CNTN4: variants seen among roughly 807,000 people sequenced by gnomAD.
The protein encoded by CNTN4 is contactin-4.
Under a neutral mutation model 122.5 loss-of-function variants are expected in CNTN4, and 77 were observed. The observed-to-expected ratio is 0.63, with a 90% CI of 0.52 to 0.76. The LOEUF is 0.76. Among genes scored for constraint, CNTN4 ranks in the 30% least tolerant of loss-of-function variants. The pLI, the probability that CNTN4 is intolerant of heterozygous loss-of-function variation, is 0.00. For missense variants in CNTN4, 1,256 were observed against 1,259.1 expected, an observed-to-expected ratio of 1.00 and a Z score of 0.04; for synonymous variants, 512 against 447.0, an observed-to-expected ratio of 1.15 and a Z score of -1.83.
chr3:2,529,153 T>C (rs910458972), intron 3 of CNTN4, among the ~76,000 whole-genome samples: 1 of 152,102 alleles, frequency 6.6e-6, no homozygotes, highest in African/African-American at 2.4e-5. Context: ...ACTCTCTACT[T>C]CTAGGAGATC....
chr3:2,934,320 C>T (rs2094549530), intron 13 of CNTN4, among the ~76,000 whole-genome samples: 1 of 152,226 alleles, frequency 6.6e-6, no homozygotes, highest in South Asian at 2.1e-4. Flanking sequence ...GAAATTCATG[C>T]TCATGTGTCT....
intron 13 of CNTN4, among the ~76,000 whole-genome samples, chr3:2,969,516 G>GATTATTATTATTATTATTATTATTATT (rs57712177): frequency 1.1e-4 from 13 of 121,464 alleles, no homozygotes; most frequent in East Asian, 8.1e-4. Flanking sequence ...GGAAAATTGG[G>GATTATTATTATTATTATTATTATTATT]ATTATTATTA....
intron 2 of CNTN4, among the ~76,000 whole-genome samples, chr3:2,217,369 T>A (rs1374153664): frequency 2.0e-5 from 3 of 152,214 alleles, no homozygotes; most frequent in African/African-American, 7.2e-5. Flanking sequence ...GAGTTAATCT[T>A]GTTCCTCTAT....
intron 3 of CNTN4, among the ~76,000 whole-genome samples, chr3:2,360,481 A>C (rs948574622): frequency 2.0e-5 from 3 of 152,168 alleles, no homozygotes; most frequent in African/African-American, 7.2e-5. Context: ...TATGAACACA[A>C]TATTGCATAA....
Position 2,718,852 on chromosome 3 carries a change from A to G in CNTN4, c.56-17363A>G, listed in dbSNP as rs142966174. The stretch of plus-strand genomic sequence containing the variant: ...TTGTTTTTAAAGTAAATGTAGACAT[A>G]TGCACATTCATATGCAAAATGATGG... On this transcript the variant is annotated intron_variant, in intron 4 of 24. Transcript: ENST00000418658. Among the ~76,000 whole-genome samples the G allele has an allele frequency of 4.0e-3, 607 of 152,292 alleles. 4 individuals carry two copies. The highest frequency in any genetic ancestry group is 0.014 in the African/African-American group (577 of 41,558).
At chr3:2,902,045 G>A (rs1015943297) in intron 11 of CNTN4, among the ~76,000 whole-genome samples, 1 of 152,022 alleles carries the variant, frequency 6.6e-6, no homozygotes, top group Non-Finnish European at 1.5e-5. Context: ...GGGACACTTG[G>A]GCTTGTTTCT....
Position 2,169,448 on chromosome 3 carries a change from T to C in CNTN4, c.-145+68809T>C, listed in dbSNP as rs567842160. ...TTGAGACGGAGTCTGGCTCTGTCAC[T>C]CAGGCTGGAGTGCGGTGGCGCGATC... is the stretch of plus-strand genomic sequence containing the variant. On this transcript the variant is annotated intron_variant, in intron 2 of 24. Coordinates refer to ENST00000418658, the MANE Select transcript of CNTN4 (RefSeq NM_175607.3). Among the ~76,000 whole-genome samples the C allele has an allele frequency of 4.1e-3, 622 of 151,948 alleles. 2 individuals are homozygous for C. The highest frequency in any genetic ancestry group is 0.014 in the Middle Eastern group (4 of 294).
chr3:2,904,291 T>A (rs1244879548), intron 12 of CNTN4, among the ~76,000 whole-genome samples: 1 of 152,208 alleles, frequency 6.6e-6, no homozygotes, highest in East Asian at 1.9e-4. Flanking sequence ...GTCCTGACTT[T>A]CCCTTATGAA....
chr3:2,676,177 C>A lies in CNTN4; in HGVS notation c.56-60038C>A, dbSNP rs534113770. 1.4e-4 allele frequency among the ~76,000 whole-genome samples: 22 copies of A among 152,086 alleles called. 1 individual carries two copies. In the South Asian group the frequency reaches 4.4e-3, roughly 30 times the overall value. On this transcript the variant is annotated intron_variant, in intron 4 of 24. Transcript: ENST00000418658. ...TTACTTATGTTTAGATCCTGAACAC[C>A]AAACATCCAGTGAATACAGCTGAAG...
chr3:2,230,020 C>G (rs569925125), intron 2 of CNTN4, among the ~76,000 whole-genome samples: 2 of 152,324 alleles, frequency 1.3e-5, no homozygotes, highest in African/African-American at 4.8e-5. Flanking sequence ...AGTTTCTCTA[C>G]TCTGAATGCT....
chr3:2,336,575 T>A (rs1260871565), intron 2 of CNTN4, among the ~76,000 whole-genome samples: 1 of 152,178 alleles, frequency 6.6e-6, no homozygotes, highest in Admixed American at 6.5e-5. Flanking sequence ...TATGATTTCT[T>A]AACTAGTAAC....
chr3:2,646,119 A>T (rs1271535151), intron 4 of CNTN4, among the ~76,000 whole-genome samples: 1 of 152,204 alleles, frequency 6.6e-6, no homozygotes, highest in Non-Finnish European at 1.5e-5. Flanking sequence ...TAAAACCAAA[A>T]GAGAAAAATA....
At chr3:2,174,817 A>G (rs2036678257) in intron 2 of CNTN4, among the ~76,000 whole-genome samples, 1 of 152,182 alleles carries the variant, frequency 6.6e-6, no homozygotes, top group Non-Finnish European at 1.5e-5. Context: ...GGCAGAAGGC[A>G]AAGCAGGAGC....
At chr3:2,609,035 A>G (rs1334151930) in intron 4 of CNTN4, among the ~76,000 whole-genome samples, 1 of 152,196 alleles carries the variant, frequency 6.6e-6, no homozygotes, top group Non-Finnish European at 1.5e-5. Context: ...TACTTTAGAC[A>G]AGTCACATTC....
At chr3:2,602,218 A>G (rs2081075486) in intron 4 of CNTN4, among the ~76,000 whole-genome samples, 2 of 152,284 alleles carry the variant, frequency 1.3e-5, no homozygotes, top group South Asian at 4.1e-4. Context: ...CTCCTATTCA[A>G]CATAGGGTTG....
intron 6 of CNTN4, among the ~76,000 whole-genome samples, chr3:2,753,343 G>A (rs1189984898): frequency 6.6e-6 from 1 of 152,122 alleles, no homozygotes. Context: ...TAAACTCCTA[G>A]ATCATTGTTT....
At chr3:2,586,983 G>A (rs1395501624) in intron 4 of CNTN4, among the ~76,000 whole-genome samples, 1 of 152,054 alleles carries the variant, frequency 6.6e-6, no homozygotes, top group Non-Finnish European at 1.5e-5. Flanking sequence ...TCTTAGCTTA[G>A]AATATAAACT....
At chr3:2,245,785 T>C (rs965404921) in intron 2 of CNTN4, among the ~76,000 whole-genome samples, 6 of 152,052 alleles carry the variant, frequency 3.9e-5, no homozygotes, top group African/African-American at 1.4e-4. Context: ...TTATATACCT[T>C]TCAGCTACCT....
At chr3:2,347,177 A>C (rs748718958) in intron 3 of CNTN4, among the ~76,000 whole-genome samples, 43 of 152,166 alleles carry the variant, frequency 2.8e-4, no homozygotes, top group Admixed American at 1.8e-3. Flanking sequence ...TCATGGATTA[A>C]AACAAGAAAA....
Sources: gnomAD v4.1 joint callset for allele counts (sites outside exome capture counted in the v4.1 genomes callset) on GRCh38, gnomAD v4.1.1 for gene constraint, MANE v1.5 for transcripts, NCBI Gene and HGNC (gene_info 2026-07-23, HGNC 2026-07-21) for gene names.